The following PARPBP variants were observed in gnomAD, a reference collection of about 807,000 sequenced individuals.
PARPBP encodes the protein PARP1 binding protein.
PARPBP carries 52 observed loss-of-function variants against 50.0 expected under a neutral mutation model. That is an observed-to-expected ratio of 1.04 (90% CI 0.83 to 1.31). The LOEUF (loss-of-function observed/expected upper bound fraction) is 1.31, where lower values mean the gene tolerates loss of function less well. Ranked by LOEUF, PARPBP falls within the 50% of genes most tolerant of loss-of-function variation. The pLI, the probability that PARPBP is intolerant of heterozygous loss-of-function variation, is 0.00. For synonymous variants in PARPBP, 244 were observed against 232.1 expected, an observed-to-expected ratio of 1.05 and a Z score of -0.47; for missense variants, 697 against 672.0, an observed-to-expected ratio of 1.04 and a Z score of -0.41.
At chr12:102,125,303 G>A (rs1331403180) in intron 2 of PARPBP, among the ~76,000 whole-genome samples, 4 of 152,124 alleles carry the variant, frequency 2.6e-5, no homozygotes, top group Non-Finnish European at 5.9e-5. Context: ...ATTAATAATA[G>A]TGTTATTAAT....
chr12:102,141,792 T>G (rs970036657), intron 2 of PARPBP, among the ~76,000 whole-genome samples: 3 of 152,194 alleles, frequency 2.0e-5, no homozygotes, highest in African/African-American at 7.2e-5. Flanking sequence ...ATTCTTTTCT[T>G]TAAGAATGTT....
chr12:102,123,757 T>C, intron 1 of PARPBP, 129 bp from the exon 2 acceptor site: 2 of 514,758 alleles, frequency 3.9e-6, no homozygotes, highest in East Asian at 6.6e-5. Flanking sequence ...TTAAAAGCAA[T>C]CTTGGTAAAT....
rs760005249 is a variant in PARPBP at position 102,164,525 on chromosome 12, A to G, written c.583A>G (p.Asn195Asp). 4 of 1,612,306 alleles carry G rather than the reference A, an allele frequency of 2.5e-6. No homozygotes were observed. Among genetic ancestry groups the G allele is most frequent in the Non-Finnish European group, 8.5e-7 (1 of 1,178,392 alleles). The change falls in exon 5 of 11, where the codon AAT (asparagine) becomes GAT (aspartate). Residue 195 changes from asparagine to aspartate, a missense_variant. Physicochemically the swap from Asn to Asp is conservative, Grantham distance 23. Transcript: ENST00000327680. ...TGACCTGGCTGTGGCTTATATTCTC[A>G]ATATTCCTGATAGAGGACTAGGAAG... ...KNDLAVAYIL[N>D]IPDRGLGREA...
At chr12:102,129,433 G>A (rs971009812) in intron 2 of PARPBP, among the ~76,000 whole-genome samples, 2 of 151,884 alleles carry the variant, frequency 1.3e-5, no homozygotes, top group Non-Finnish European at 2.9e-5. Context: ...TGTTTCCTTG[G>A]CTGTGCAGAA....
rs541526180 is a variant in PARPBP at position 102,143,178 on chromosome 12, G to A, written c.154-5052G>A. 2.3e-3 allele frequency among the ~76,000 whole-genome samples: 345 copies of A among 152,312 alleles called. 2 individuals are homozygous for A. Among genetic ancestry groups the A allele is most frequent in the African/African-American group, 8.0e-3 (333 of 41,552 alleles). ...CAGGCCACTTTGTTTACCTACTGAA[G>A]CCTCAGCAATGGCAGACGCCCCCCA... On this transcript the variant is annotated intron_variant, in intron 2 of 10. Coordinates refer to ENST00000327680, the MANE Select transcript of PARPBP (RefSeq NM_017915.5).
intron 5 of PARPBP, among the ~76,000 whole-genome samples, chr12:102,165,253 A>G (rs1214007954): frequency 6.6e-6 from 1 of 152,212 alleles, no homozygotes; most frequent in Non-Finnish European, 1.5e-5. Context: ...CTTAGTGATT[A>G]TCTAGTCTGT....
intron 9 of PARPBP, among the ~76,000 whole-genome samples, chr12:102,185,426 G>C (rs576965154): frequency 6.6e-6 from 1 of 152,184 alleles, no homozygotes; most frequent in East Asian, 1.9e-4. Flanking sequence ...GTTGAATTTG[G>C]TTTGCTGGTA....
chr12:102,169,471 C>T (rs991422448), intron 6 of PARPBP, among the ~76,000 whole-genome samples: 1 of 152,196 alleles, frequency 6.6e-6, no homozygotes, highest in African/African-American at 2.4e-5. Context: ...AAGCCTGTCT[C>T]TCTCCAGCTC....
At position 102,148,323 on chromosome 12, in the gene PARPBP, G is replaced by T. The variant is rs1885700525; in HGVS notation, c.247G>T (p.Asp83Tyr). The change falls in exon 3 of 11, where the codon GAC (aspartate) becomes TAC (tyrosine). Residue 83 changes from aspartate to tyrosine, a missense_variant. Physicochemically the swap from Asp to Tyr is radical, Grantham distance 160. Coordinates refer to ENST00000327680, the MANE Select transcript of PARPBP (RefSeq NM_017915.5). ...ATTGAACTTACCAGTTGAAAACATG[G>T]ACGTGACTGACCATTATGAGGACGT... ...EKLNLPVENM[D>Y]VTDHYEDVRK... The T allele has an allele frequency of 1.2e-6, 2 of 1,601,428 alleles. No homozygotes were observed. The highest frequency in any genetic ancestry group is 2.2e-5 in the South Asian group (2 of 90,810).
At chr12:102,191,505 A>G (rs147223682) in intron 9 of PARPBP, among the ~76,000 whole-genome samples, 1 of 152,152 alleles carries the variant, frequency 6.6e-6, no homozygotes, top group African/African-American at 2.4e-5. Flanking sequence ...CAAACTTGCT[A>G]ATATATTTAT....
intron 4 of PARPBP, among the ~76,000 whole-genome samples, chr12:102,156,434 C>A (rs1023133352): frequency 2.0e-5 from 3 of 151,578 alleles, no homozygotes; most frequent in African/African-American, 7.3e-5. Flanking sequence ...CCTCGTGATC[C>A]GCCCACCTTG....
At chr12:102,166,689 A>G (rs1013608696) in intron 6 of PARPBP, among the ~76,000 whole-genome samples, 3 of 152,168 alleles carry the variant, frequency 2.0e-5, no homozygotes, top group African/African-American at 7.2e-5. Flanking sequence ...GTAGCAGAGT[A>G]GGGATCTGAA....
chr12:102,166,240 A>G lies in PARPBP; in HGVS notation c.821+357A>G, dbSNP rs201826960. Among the ~76,000 whole-genome samples the G allele has an allele frequency of 7.2e-5, 11 of 152,300 alleles. No individual in the cohort carries two copies. In the East Asian group the frequency reaches 2.1e-3, roughly 29 times the overall value. On this transcript the variant is annotated intron_variant, in intron 6 of 10. Transcript: ENST00000327680. The stretch of plus-strand genomic sequence containing the variant: ...AAGGAAACTGATATCAAGAATGAGT[A>G]AGAAAATTGACAAAGATATGAAATC...
chr12:102,151,761 G>T, intron 3 of PARPBP: 2 of 1,535,658 alleles, frequency 1.3e-6, no homozygotes, highest in Non-Finnish European at 1.7e-6. Flanking sequence ...TCCAGAAGAA[G>T]AGACGAGACC....
intron 7 of PARPBP, among the ~76,000 whole-genome samples, chr12:102,177,890 A>G (rs1229385508): frequency 6.6e-6 from 1 of 152,166 alleles, no homozygotes; most frequent in Non-Finnish European, 1.5e-5. Context: ...TGAAAGCACC[A>G]TGCTCTCTTC....
chr12:102,152,955 A>G (rs1370281090), intron 3 of PARPBP, among the ~76,000 whole-genome samples: 2 of 151,644 alleles, frequency 1.3e-5, no homozygotes, highest in East Asian at 1.9e-4. Context: ...AAAAGGAAAA[A>G]GAGGAGTTAA....
chr12:102,124,450 A>G (rs1264229149), intron 2 of PARPBP, among the ~76,000 whole-genome samples: 1 of 152,240 alleles, frequency 6.6e-6, no homozygotes, highest in Non-Finnish European at 1.5e-5. Context: ...ACTGCCTTTA[A>G]AAAATTTCCA....
chr12:102,145,279 A>G (rs1885197095), intron 2 of PARPBP, among the ~76,000 whole-genome samples: 2 of 152,164 alleles, frequency 1.3e-5, no homozygotes, highest in South Asian at 4.1e-4. Flanking sequence ...CCATCTTCAA[A>G]TGCAATGAGT....
At chr12:102,155,070 GC>G (rs1886693522) in intron 4 of PARPBP, 1 of 261,252 alleles carries the variant, frequency 3.8e-6, no homozygotes, top group Non-Finnish European at 7.5e-6. Context: ...TGACCTATAA[GC>G]CCCATTTCAA....
Sources: gnomAD v4.1 joint callset for allele counts (sites outside exome capture counted in the v4.1 genomes callset) on GRCh38, gnomAD v4.1.1 for gene constraint, MANE v1.5 for transcripts, NCBI Gene and HGNC (gene_info 2026-07-23, HGNC 2026-07-21) for gene names.